The following GP2 variants were observed in gnomAD, a reference collection of about 807,000 sequenced individuals.
The protein encoded by GP2 is glycoprotein 2.
In GP2, 58 loss-of-function variants were observed where a neutral mutation model predicts 60.8. The ratio of observed to expected loss-of-function variants is 0.95; its 90% CI spans 0.77 to 1.19. The LOEUF is 1.19. GP2 is among the 50% of genes most tolerant of loss of function. GP2 has a pLI of 0.00. For synonymous variants in GP2, 280 were observed against 253.4 expected (o/e 1.10, Z -1.00); for missense variants, 647 against 667.4 (o/e 0.97, Z 0.34).
chr16:20,318,371 T>C lies in GP2; in HGVS notation c.1067A>G (p.Gln356Arg). 1.2e-6 allele frequency: 2 copies of C among 1,612,928 alleles called. No individual in the cohort carries two copies. Among genetic ancestry groups the C allele is most frequent in the Non-Finnish European group, 1.7e-6 (2 of 1,178,928 alleles). ...GEFIVRMALF[Q>R]DQNYTNPYEG... Reference sequence around the variant, plus strand: ...GTAAGGATTCGTGTAGTTCTGGTCTTGGAAGAGGGCCATCCTGACAATGAA... The same window carrying C: ...GTAAGGATTCGTGTAGTTCTGGTCTCGGAAGAGGGCCATCCTGACAATGAA... Residue 356 changes from glutamine to arginine, a missense_variant, in exon 7 of 11, where the codon CAA becomes CGA. Physicochemically the swap from Gln to Arg is conservative, Grantham distance 43 (BLOSUM62 1). Transcript: ENST00000302555.
rs1055220581 is a variant in GP2 at position 20,322,285 on chromosome 16, C to A, written c.646+584G>T. Among the ~76,000 whole-genome samples the A allele has an allele frequency of 2.0e-5, 3 of 152,180 alleles. No homozygotes were observed. The East Asian group carries it at 5.8e-4, about 29-fold the overall frequency. On this transcript the variant is annotated intron_variant, in intron 4 of 10. Coordinates refer to ENST00000302555, the MANE Select transcript of GP2 (RefSeq NM_001502.4). The stretch of plus-strand genomic sequence containing the variant: ...TAATCTCAGTGGGAGGCTCATCCAT[C>A]CCCTGTCCAGGGCTTAGTGCTTGTT...
chr16:20,322,825 C>A lies in GP2; in HGVS notation c.646+44G>T, dbSNP rs546698620. The A allele has an allele frequency of 2.1e-5, 22 of 1,071,256 alleles. No individual in the cohort carries two copies. The South Asian group carries it at 2.8e-4, about 14-fold the overall frequency. The allele number at this position is 1,071,256 out of a possible 1,614,324, so 66.4% of individuals were successfully genotyped here. A position where few individuals can be genotyped will look rare whatever the true frequency, so the allele number is the denominator to read the frequency against. On this transcript the variant is annotated intron_variant, in intron 4 of 10. Transcript: ENST00000302555. The stretch of plus-strand genomic sequence containing the variant: ...CCTCTAAAGCTCCCTCCCTCCTGCC[C>A]TGCCCCCTCAGGATGGTAGTTACTT...
At position 20,310,760 on chromosome 16, in the gene GP2, T is replaced by C. The variant is rs1963972264; in HGVS notation, c.*463A>G. On this transcript the variant is annotated 3_prime_UTR_variant, in exon 11 of 11. Coordinates refer to ENST00000302555, the MANE Select transcript of GP2 (RefSeq NM_001502.4). ...CCCCACTATGTTGCTTTTCTTTTTT[T>C]TTTTTTTTTTTCCTGAGACAGAGTC... The C allele has an allele frequency of 6.6e-6, 1 of 151,862 alleles. No homozygotes were observed. Among genetic ancestry groups the C allele is most frequent in the African/African-American group, 2.4e-5 (1 of 40,826 alleles). The allele number at this position is 151,862 out of a possible 1,614,324, so 9.4% of individuals were successfully genotyped here.
chr16:20,320,525 C>G (rs1432623527), intron 4 of GP2, 52 bp from the exon 5 acceptor site: 1 of 1,179,760 alleles, frequency 8.5e-7, no homozygotes, highest in Non-Finnish European at 1.3e-6. Flanking sequence ...TGGAAGCCCA[C>G]TTTCCCTACT....
intron 4 of GP2, among the ~76,000 whole-genome samples, chr16:20,322,537 C>T (rs545858202): frequency 1.3e-5 from 2 of 152,304 alleles, no homozygotes; most frequent in Non-Finnish European, 2.9e-5. Context: ...ATGTCCCTGA[C>T]ATGAAGACCC....
chr16:20,327,330 G>C, intron 1 of GP2, 137 bp downstream of exon 1: 1 of 436,436 alleles, frequency 2.3e-6, no homozygotes, highest in Non-Finnish European at 4.0e-6. Context: ...GGTACCTGGA[G>C]CACTTGACAA....
intron 4 of GP2, among the ~76,000 whole-genome samples, chr16:20,321,072 A>G (rs1484768193): frequency 7.5e-6 from 1 of 133,792 alleles, no homozygotes; most frequent in African/African-American, 2.7e-5. Context: ...TTTTTTTTAG[A>G]CAGAGTTTTG....
chr16:20,326,579 T>C, intron 1 of GP2, 112 bp from the exon 2 acceptor site: 1 of 831,364 alleles, frequency 1.2e-6, no homozygotes, highest in Non-Finnish European at 1.8e-6. Context: ...AGGTGTGACT[T>C]ATGGACAGAT....
intron 10 of GP2, among the ~76,000 whole-genome samples, chr16:20,312,375 G>A (rs759562485): frequency 6.6e-6 from 1 of 152,156 alleles, no homozygotes; most frequent in Non-Finnish European, 1.5e-5. Context: ...ATGACAAAAA[G>A]TTATAATTAT....
chr16:20,313,141 A>G (rs1372070602), intron 10 of GP2, among the ~76,000 whole-genome samples: 3 of 152,166 alleles, frequency 2.0e-5, no homozygotes, highest in African/African-American at 7.2e-5. Flanking sequence ...AATATAAGTC[A>G]TTTTGTGGGA....
intron 2 of GP2, among the ~76,000 whole-genome samples, chr16:20,325,415 T>C (rs942089319): frequency 7.9e-5 from 12 of 152,246 alleles, no homozygotes; most frequent in African/African-American, 2.9e-4. Context: ...GCTAGTTATA[T>C]TTTTTAGATG....
intron 5 of GP2, 105 bp from the exon 6 acceptor site, chr16:20,319,873 C>G (rs554383742): frequency 2.3e-6 from 2 of 869,824 alleles, no homozygotes; most frequent in South Asian, 3.1e-5. Flanking sequence ...AACCATGCAG[C>G]CACCCTACCT....
intron 1 of GP2, chr16:20,326,685 A>G (rs188166618): frequency 2.2e-6 from 1 of 461,272 alleles, no homozygotes; most frequent in Non-Finnish European, 3.9e-6. Context: ...AGGTCTCAGG[A>G]TGGTCCCTGC....
intron 4 of GP2, among the ~76,000 whole-genome samples, 171 bp from the exon 5 acceptor site, chr16:20,320,644 C>T (rs1964329307): frequency 6.6e-6 from 1 of 152,086 alleles, no homozygotes; most frequent in Non-Finnish European, 1.5e-5. Flanking sequence ...CAAAGGGGGC[C>T]CCTCATTCAA....
At chr16:20,314,600 T>G in intron 10 of GP2, 57 bp downstream of exon 10, 14 of 1,208,588 alleles carry the variant, frequency 1.2e-5, no homozygotes, top group Non-Finnish European at 1.4e-5. Context: ...GGGGCAGAAT[T>G]GAAAAGAGAA....
chr16:20,309,847 G>A lies in GP2; in HGVS notation c.*1376C>T, dbSNP rs1336508362. On this transcript the variant is annotated 3_prime_UTR_variant, in exon 11 of 11. Transcript: ENST00000302555. Reference sequence around the variant, plus strand: ...ACTCCCTTTTTGCCTGAGAAATTGTGGTGGGTTTCTGTTTCTTGCAACTAC... The same window carrying A: ...ACTCCCTTTTTGCCTGAGAAATTGTAGTGGGTTTCTGTTTCTTGCAACTAC... 2.0e-5 allele frequency: 3 copies of A among 152,016 alleles called. No homozygotes were observed. The highest frequency in any genetic ancestry group is 2.0e-4 in the Admixed American group (3 of 15,264). The allele number at this position is 152,016 out of a possible 1,614,324, so 9.4% of individuals were successfully genotyped here.
Position 20,317,204 on chromosome 16 carries a change from G to T in GP2, c.1416+9C>A. ...GGCTCTGAAGAGTTCAGTTCAAAGA[G>T]ACACTCACAGGCTGGCACTGTTCAT... On this transcript the variant is annotated intron_variant, in intron 8 of 10. Transcript: ENST00000302555. 1 of 1,546,216 alleles carries T rather than the reference G, an allele frequency of 6.5e-7. No homozygotes were observed. The highest frequency in any genetic ancestry group is 8.8e-7 in the Non-Finnish European group (1 of 1,137,048).
chr16:20,318,453 A>G (rs1964253170), intron 6 of GP2, 23 bp from the exon 7 acceptor site: 2 of 1,608,222 alleles, frequency 1.2e-6, no homozygotes, highest in Non-Finnish European at 1.7e-6. Context: ...AAGCCACAAG[A>G]GTGGAAACCT....
chr16:20,323,131 A>G (rs1256485687), intron 3 of GP2, 152 bp from the exon 4 acceptor site: 2 of 624,358 alleles, frequency 3.2e-6, no homozygotes, highest in Admixed American at 2.5e-5. Flanking sequence ...CTCCCAGTCC[A>G]ATGGGATAAG....
Sources: gnomAD v4.1 joint callset for allele counts (sites outside exome capture counted in the v4.1 genomes callset) on GRCh38, gnomAD v4.1.1 for gene constraint, MANE v1.5 for transcripts, NCBI Gene and HGNC (gene_info 2026-07-23, HGNC 2026-07-21) for gene names.